Variants in SNAP91 observed in about 807,000 individuals in gnomAD.
The protein encoded by SNAP91 is synaptosome associated protein 91.
SNAP91 carries 27 observed loss-of-function variants against 100.3 expected under a neutral mutation model. The ratio of observed to expected loss-of-function variants is 0.27; its 90% CI spans 0.20 to 0.37. The LOEUF (loss-of-function observed/expected upper bound fraction) is 0.37, where lower values mean the gene tolerates loss of function less well. SNAP91 is among the 10% of genes least tolerant of loss of function. SNAP91 has a pLI of 1.00. For missense variants in SNAP91, 986 were observed against 1,123.7 expected, an observed-to-expected ratio of 0.88 and a Z score of 1.75; for synonymous variants, 404 against 398.6, an observed-to-expected ratio of 1.01 and a Z score of -0.16.
chr6:83,575,917 T>C (rs1817958097), intron 25 of SNAP91, 106 bp downstream of exon 25: 8 of 661,098 alleles, frequency 1.2e-5, no homozygotes, highest in African/African-American at 3.9e-5. Flanking sequence ...TCTGAAATTA[T>C]CTAGCATGAG....
At chr6:83,646,031 T>C (rs1232080108) in intron 7 of SNAP91, among the ~76,000 whole-genome samples, 1 of 152,236 alleles carries the variant, frequency 6.6e-6, no homozygotes, top group Non-Finnish European at 1.5e-5. Context: ...CATATCTTTG[T>C]TGGTGAGGTA....
At chr6:83,644,312 T>C (rs186310677) in intron 7 of SNAP91, among the ~76,000 whole-genome samples, 1 of 152,284 alleles carries the variant, frequency 6.6e-6, no homozygotes, top group Admixed American at 6.5e-5. Flanking sequence ...ATTTAGGTCA[T>C]AATCTCATAA....
chr6:83,641,274 A>G, intron 7 of SNAP91, 72 bp from the exon 8 acceptor site: 1 of 645,698 alleles, frequency 1.5e-6, no homozygotes, highest in Non-Finnish European at 2.5e-6. Flanking sequence ...TTATGTTAAG[A>G]TTACTACTCA....
At chr6:83,646,016 A>G (rs571472544) in intron 7 of SNAP91, among the ~76,000 whole-genome samples, 38 of 152,340 alleles carry the variant, frequency 2.5e-4, no homozygotes, top group Middle Eastern at 3.4e-3. Context: ...ACGGAATAAT[A>G]TCTGCATATC....
intron 2 of SNAP91, among the ~76,000 whole-genome samples, chr6:83,674,868 T>C (rs1201413936): frequency 1.3e-5 from 2 of 152,238 alleles, no homozygotes; most frequent in East Asian, 3.9e-4. Context: ...GACAGGGAAA[T>C]CATCAGAACA....
At chr6:83,559,159 T>G (rs962522) in intron 28 of SNAP91, among the ~76,000 whole-genome samples, 4,127 of 152,258 alleles carry the variant, frequency 0.027, 68 homozygotes, top group East Asian at 0.065. Context: ...ACAAGGTGAC[T>G]CAGAGTGGAG....
At chr6:83,573,630 C>G (rs1031105275) in intron 26 of SNAP91, among the ~76,000 whole-genome samples, 1 of 152,074 alleles carries the variant, frequency 6.6e-6, no homozygotes, top group Non-Finnish European at 1.5e-5. Context: ...CAGAACAGAG[C>G]CCTCAGAACT....
At chr6:83,562,260 A>G (rs1789091109) in intron 26 of SNAP91, among the ~76,000 whole-genome samples, 1 of 152,204 alleles carries the variant, frequency 6.6e-6, no homozygotes, top group Non-Finnish European at 1.5e-5. Context: ...GATATTCCTT[A>G]TGACTGTTGA....
intron 26 of SNAP91, among the ~76,000 whole-genome samples, chr6:83,563,109 C>T (rs1790788062): frequency 6.6e-6 from 1 of 152,156 alleles, no homozygotes; most frequent in South Asian, 2.1e-4. Context: ...TATAAACAAG[C>T]TTCCTGTGAA....
chr6:83,601,149 A>G (rs925592510), intron 16 of SNAP91, 122 bp downstream of exon 16: 2 of 774,408 alleles, frequency 2.6e-6, no homozygotes, highest in African/African-American at 1.8e-5. Context: ...ATGAATAAAC[A>G]TTGAAAAAGT....
At chr6:83,591,800 A>C (rs1430446806) in intron 21 of SNAP91, among the ~76,000 whole-genome samples, 1 of 152,210 alleles carries the variant, frequency 6.6e-6, no homozygotes, top group East Asian at 1.9e-4. Context: ...CGCATCATGG[A>C]ATGTCCATGA....
intron 26 of SNAP91, among the ~76,000 whole-genome samples, chr6:83,567,111 T>C (rs1308042489): frequency 2.0e-5 from 3 of 152,186 alleles, no homozygotes; most frequent in Non-Finnish European, 4.4e-5. Flanking sequence ...GCTAACTTTT[T>C]AATTTTTCTA....
intron 16 of SNAP91, among the ~76,000 whole-genome samples, chr6:83,595,332 C>T (rs2094334832): frequency 6.6e-6 from 1 of 152,022 alleles, no homozygotes; most frequent in Admixed American, 6.6e-5. Context: ...AATCTATTTT[C>T]AACAGGTTAA....
intron 18 of SNAP91, 101 bp downstream of exon 18, chr6:83,593,377 T>A: frequency 1.3e-6 from 2 of 1,513,162 alleles, no homozygotes; most frequent in Non-Finnish European, 1.8e-6. Flanking sequence ...AAATGGTTTC[T>A]AGAGAACCAT....
intron 2 of SNAP91, among the ~76,000 whole-genome samples, chr6:83,675,137 T>C (rs1056854093): frequency 2.6e-5 from 4 of 152,172 alleles, no homozygotes; most frequent in African/African-American, 9.7e-5. Flanking sequence ...AGACAATGGA[T>C]GAATAGGGCA....
chr6:83,593,222 A>C lies in SNAP91; in HGVS notation c.1734T>G (p.Pro578=), dbSNP rs1397801449. The part of the protein sequence containing the change: ...FESTPEVAAA[P]KPDAAPSIDL... ...CTATGCTAGGAGCAGCATCTGGCTTAGGCGCTGCAGCAACTTCAGGAGTGG... is the reference window on the plus strand; with the variant it reads ...CTATGCTAGGAGCAGCATCTGGCTTCGGCGCTGCAGCAACTTCAGGAGTGG... Residue 578 remains proline (P), a synonymous_variant, in exon 19 of 30, where the codon CCT becomes CCG. Coordinates refer to ENST00000369694, the MANE Select transcript of SNAP91 (RefSeq NM_001242792.2). 1.3e-6 allele frequency: 2 copies of C among 1,596,530 alleles called. No individual in the cohort carries two copies. Among genetic ancestry groups the C allele is most frequent in the Non-Finnish European group, 1.7e-6 (2 of 1,171,140 alleles).
At chr6:83,675,470 C>A (rs1403512720) in intron 2 of SNAP91, among the ~76,000 whole-genome samples, 1 of 151,966 alleles carries the variant, frequency 6.6e-6, no homozygotes, top group Non-Finnish European at 1.5e-5. Flanking sequence ...ATTTCAGTAA[C>A]TTCTTTCATT....
At chr6:83,696,618 C>G (rs217288) in intron 2 of SNAP91, among the ~76,000 whole-genome samples, 92,406 of 152,050 alleles carry the variant, frequency 0.61, 29,531 homozygotes, top group African/African-American at 0.82. Flanking sequence ...CCTCTTCCTA[C>G]ACAGCATTCT....
chr6:83,574,948 A>G, intron 26 of SNAP91, 62 bp downstream of exon 26: 1 of 1,109,738 alleles, frequency 9.0e-7, no homozygotes, highest in South Asian at 1.4e-5. Flanking sequence ...AATGCACGCT[A>G]CTTTACACAC....
Sources: gnomAD v4.1 joint callset for allele counts (sites outside exome capture counted in the v4.1 genomes callset) on GRCh38, gnomAD v4.1.1 for gene constraint, MANE v1.5 for transcripts, NCBI Gene and HGNC (gene_info 2026-07-23, HGNC 2026-07-21) for gene names.